Variants in LHX4 observed in about 807,000 individuals in gnomAD.
LHX4 encodes LIM homeobox 4.
Under a neutral mutation model 39.2 loss-of-function variants are expected in LHX4, and 16 were observed. That is an observed-to-expected ratio of 0.41 (90% CI 0.28 to 0.62). The LOEUF (loss-of-function observed/expected upper bound fraction) is 0.62, where lower values mean the gene tolerates loss of function less well. Among genes scored for constraint, LHX4 ranks in the 20% least tolerant of loss-of-function variants. The pLI is 0.33. For missense variants in LHX4, 439 were observed against 511.9 expected, an observed-to-expected ratio of 0.86 and a Z score of 1.37; for synonymous variants, 206 against 198.1, an observed-to-expected ratio of 1.04 and a Z score of -0.33.
intron 5 of LHX4, chr1:180,273,973 A>G: frequency 6.7e-6 from 4 of 598,268 alleles, no homozygotes; most frequent in East Asian, 5.7e-5. Flanking sequence ...CTGGGAATTT[A>G]GTCTTTGCAG....
chr1:180,262,681 GAAA>G (rs56740419), intron 2 of LHX4, among the ~76,000 whole-genome samples: 1 of 110,928 alleles, frequency 9.0e-6, no homozygotes. Context: ...TACCAAACTT[GAAA>G]AAAAAAAAAA....
upstream of LHX4, among the ~76,000 whole-genome samples, chr1:180,229,973 G>GGGGGT: frequency 7.0e-6 from 1 of 143,724 alleles, no homozygotes; most frequent in African/African-American, 2.6e-5. Context: ...GAGGGGGGGG[G>GGGGGT]GGTGCCGGCT....
At chr1:180,271,242 C>G (rs1648636081) in intron 3 of LHX4, 138 bp from the exon 4 acceptor site, 1 of 934,358 alleles carries the variant, frequency 1.1e-6, no homozygotes, top group African/African-American at 1.6e-5. Flanking sequence ...CCTCTCCACT[C>G]TGATGTCCCC....
intron 2 of LHX4, among the ~76,000 whole-genome samples, chr1:180,251,086 C>T (rs570195400): frequency 2.0e-5 from 3 of 152,208 alleles, no homozygotes; most frequent in Non-Finnish European, 4.4e-5. Flanking sequence ...GTGAGTCTTC[C>T]GCCAGGTGGG....
intron 2 of LHX4, among the ~76,000 whole-genome samples, chr1:180,255,552 G>C (rs922332186): frequency 1.3e-5 from 2 of 152,258 alleles, no homozygotes; most frequent in Non-Finnish European, 1.5e-5. Flanking sequence ...GTAACGATCA[G>C]ATGGTCCGGA....
upstream of LHX4, among the ~76,000 whole-genome samples, chr1:180,229,561 C>T (rs1664112224): frequency 6.6e-6 from 1 of 152,032 alleles, no homozygotes; most frequent in Admixed American, 6.5e-5. Context: ...CAGCCAGACG[C>T]GGGGGAGAGA....
intron 1 of LHX4, among the ~76,000 whole-genome samples, chr1:180,240,713 A>G (rs1054483750): frequency 6.6e-6 from 1 of 152,216 alleles, no homozygotes; most frequent in Non-Finnish European, 1.5e-5. Flanking sequence ...CTCTCACCAG[A>G]GGGGTGTGGG....
intron 4 of LHX4, 67 bp downstream of exon 4, chr1:180,271,601 G>C: frequency 1.3e-6 from 2 of 1,585,326 alleles, no homozygotes; most frequent in Non-Finnish European, 1.7e-6. Context: ...AAGGTATCCT[G>C]AGTGACATCA....
chr1:180,267,914 G>A (rs1648394101), intron 3 of LHX4, among the ~76,000 whole-genome samples: 1 of 152,208 alleles, frequency 6.6e-6, no homozygotes, highest in Admixed American at 6.5e-5. Flanking sequence ...GCTGGGTTTG[G>A]CTTTGGTCCA....
chr1:180,248,360 A>G lies in LHX4; in HGVS notation c.152A>G (p.His51Arg). 2 of 1,614,214 alleles carry G rather than the reference A, an allele frequency of 1.2e-6. No homozygotes were observed. Among genetic ancestry groups the G allele is most frequent in the Non-Finnish European group, 1.7e-6 (2 of 1,180,028 alleles). Residue 51 changes from histidine to arginine, a missense_variant, in exon 2 of 6, where the codon CAC becomes CGC. By Grantham distance (29) the His-to-Arg change is conservative (BLOSUM62 0). Transcript: ENST00000263726. ...FILKVLDRHW[H>R]SSCLKCADCQ... is the part of the protein sequence containing the mutation. Reference sequence around the variant, plus strand: ...CTGAAGGTCCTGGACAGACACTGGCACAGCTCCTGCCTCAAGTGTGCAGAC... The same window carrying G: ...CTGAAGGTCCTGGACAGACACTGGCGCAGCTCCTGCCTCAAGTGTGCAGAC...
chr1:180,234,241 T>C lies in LHX4; in HGVS notation c.76+3636T>C, dbSNP rs1330150235. The stretch of plus-strand genomic sequence containing the variant: ...TATATAATAGATTGAGATTCTATCA[T>C]ATTCCGAACATTCCGATATAGCAGC... On this transcript the variant is annotated intron_variant, in intron 1 of 5. Transcript: ENST00000263726. The surrounding 1 kb of genome is among the most constrained non-coding windows in gnomAD (Gnocchi z 4.8). Among the ~76,000 whole-genome samples the C allele has an allele frequency of 5.1e-5, 7 of 136,008 alleles. No homozygotes were observed. The highest frequency in any genetic ancestry group is 9.4e-5 in the Non-Finnish European group (6 of 63,832). The allele number at this position is 136,008 out of a possible 152,430, so 89.2% of individuals were successfully genotyped here.
rs1366072441 is a variant in LHX4, at chr1:180,278,882, T to G, written c.*4303T>G. 6.6e-6 allele frequency: 1 copy of G among 152,098 alleles called. No homozygotes were observed. Among genetic ancestry groups the G allele is most frequent in the Non-Finnish European group, 1.5e-5 (1 of 68,000 alleles). 9.4% of individuals were successfully genotyped at this position (152,098 alleles called of 1,614,324 possible). On this transcript the variant is annotated 3_prime_UTR_variant, in exon 6 of 6. Coordinates refer to ENST00000263726, the MANE Select transcript of LHX4 (RefSeq NM_033343.4). Reference sequence around the variant, plus strand: ...CATCCTTATTTATTGCCATATGACTTTGGAAAACAGAAGCTGGTGCGTTTG... The same window carrying G: ...CATCCTTATTTATTGCCATATGACTGTGGAAAACAGAAGCTGGTGCGTTTG...
intron 1 of LHX4, among the ~76,000 whole-genome samples, chr1:180,238,019 A>C (rs1664364573): frequency 1.3e-5 from 2 of 152,370 alleles, no homozygotes; most frequent in South Asian, 4.1e-4. Context: ...GATATATGAT[A>C]TCCTACTGAA....
intron 4 of LHX4, 113 bp from the exon 5 acceptor site, chr1:180,271,722 C>T (rs1648673582): frequency 1.5e-6 from 2 of 1,338,104 alleles, no homozygotes; most frequent in East Asian, 4.6e-5. Context: ...CACTCCCAGA[C>T]CTGTGCTCCA....
chr1:180,231,961 ATTC>A, intron 1 of LHX4, among the ~76,000 whole-genome samples: 1 of 152,286 alleles, frequency 6.6e-6, no homozygotes, highest in South Asian at 2.1e-4. Context: ...TTCTACAGTT[ATTC>A]TTTGAGTGTT....
intron 2 of LHX4, among the ~76,000 whole-genome samples, chr1:180,253,704 C>T (rs1181652822): frequency 6.6e-6 from 1 of 152,198 alleles, no homozygotes; most frequent in Non-Finnish European, 1.5e-5. Flanking sequence ...GACCCGGGTC[C>T]AGCAGAATGC....
intron 2 of LHX4, among the ~76,000 whole-genome samples, chr1:180,257,832 G>A (rs1023307270): frequency 3.9e-5 from 6 of 152,182 alleles, no homozygotes; most frequent in Non-Finnish European, 7.3e-5. Context: ...GGTCCCCACC[G>A]ACTGCCTTCA....
At chr1:180,255,151 C>T (rs1269095752) in intron 2 of LHX4, among the ~76,000 whole-genome samples, 5 of 152,262 alleles carry the variant, frequency 3.3e-5, no homozygotes, top group African/African-American at 4.8e-5. Context: ...GGCGGCAGCC[C>T]GCGCCTGGGT....
chr1:180,251,065 C>T (rs1161743590), intron 2 of LHX4, among the ~76,000 whole-genome samples: 1 of 152,222 alleles, frequency 6.6e-6, no homozygotes, highest in Non-Finnish European at 1.5e-5. Context: ...GTCTGCAACC[C>T]TTCCCACCCG....
Sources: allele counts gnomAD v4.1 joint callset (sites outside exome capture counted in the v4.1 genomes callset), GRCh38; gene constraint gnomAD v4.1.1; non-coding constraint Gnocchi (gnomAD v3.1); transcripts MANE v1.5; gene names NCBI Gene and HGNC (gene_info 2026-07-23, HGNC 2026-07-21).